The following CFAP20DC variants were observed in gnomAD, a reference collection of about 807,000 sequenced individuals.
CFAP20DC encodes the protein protein CFAP20DC.
In CFAP20DC, 84 loss-of-function variants were observed where a neutral mutation model predicts 101.7. The ratio of observed to expected loss-of-function variants is 0.83; its 90% CI spans 0.69 to 0.99. CFAP20DC has a LOEUF of 0.99. CFAP20DC is among the 50% of genes least tolerant of loss of function. CFAP20DC has a pLI of 0.00. For synonymous variants in CFAP20DC, 359 were observed against 351.2 expected (o/e 1.02, Z -0.25); for missense variants, 1,007 against 970.3 (o/e 1.04, Z -0.50).
At chr3:58,953,740 G>T (rs569949619) in intron 4 of CFAP20DC, 102 of 152,162 alleles carry the variant, frequency 6.7e-4, no homozygotes, top group Non-Finnish European at 1.3e-3. Flanking sequence ...GGGCAATTTA[G>T]TTGCTGCAAG....
chr3:58,853,315 C>T (rs2078431322), intron 12 of CFAP20DC, among the ~76,000 whole-genome samples: 2 of 152,264 alleles, frequency 1.3e-5, no homozygotes, highest in South Asian at 2.1e-4. Flanking sequence ...AGACCAATAA[C>T]AGGCTCTGAA....
At chr3:58,973,714 C>T (rs1403989935) in intron 4 of CFAP20DC, among the ~76,000 whole-genome samples, 1 of 152,112 alleles carries the variant, frequency 6.6e-6, no homozygotes, top group Non-Finnish European at 1.5e-5. Flanking sequence ...TGAAACAATT[C>T]CTTACACAGG....
intron 4 of CFAP20DC, among the ~76,000 whole-genome samples, chr3:58,997,848 C>T (rs1442852843): frequency 6.6e-6 from 1 of 152,122 alleles, no homozygotes; most frequent in East Asian, 1.9e-4. Context: ...TAGCAATGTA[C>T]AGACTGTAGG....
At chr3:58,826,487 G>T (rs2076050956) in intron 14 of CFAP20DC, among the ~76,000 whole-genome samples, 1 of 152,022 alleles carries the variant, frequency 6.6e-6, no homozygotes, top group South Asian at 2.1e-4. Context: ...ACTGCTGTGT[G>T]ATGTTTCCCT....
chr3:58,840,673 G>A (rs9864440), intron 13 of CFAP20DC, among the ~76,000 whole-genome samples: 27,791 of 152,104 alleles, frequency 0.18, 4,466 homozygotes, highest in African/African-American at 0.42. Context: ...ATGAATTTGA[G>A]AAGGTTTCAT....
chr3:58,772,996 C>G (rs1309767510), intron 15 of CFAP20DC, among the ~76,000 whole-genome samples: 2 of 151,354 alleles, frequency 1.3e-5, no homozygotes, highest in African/African-American at 2.4e-5. Flanking sequence ...CTTTTCTATG[C>G]TGGTTGAATT....
rs867543214 is a variant in CFAP20DC at position 59,035,743 on chromosome 3, T to A, written c.278+3814A>T. On this transcript the variant is annotated intron_variant, in intron 4 of 16. Transcript: ENST00000482387. ...AAAGAAAGCCCAGAACCAGACAGAT[T>A]CACAGCCAAATTCTACCAGAGGTAC... Among the ~76,000 whole-genome samples, 8 of 152,042 alleles carry A rather than the reference T, an allele frequency of 5.3e-5. No homozygotes were observed. The South Asian group carries it at 1.0e-3, about 20-fold the overall frequency.
intron 15 of CFAP20DC, among the ~76,000 whole-genome samples, chr3:58,780,347 C>T (rs2071710257): frequency 6.6e-6 from 1 of 151,882 alleles, no homozygotes; most frequent in African/African-American, 2.4e-5. Flanking sequence ...CACCAAGCCA[C>T]AATGGTAAAT....
intron 3 of CFAP20DC, among the ~76,000 whole-genome samples, chr3:59,043,703 C>A (rs935507905): frequency 1.3e-5 from 2 of 151,996 alleles, no homozygotes; most frequent in Admixed American, 1.3e-4. Flanking sequence ...AGAAGACCCT[C>A]CAAATGACAT....
chr3:58,749,095 A>G (rs2068395432), intron 16 of CFAP20DC, among the ~76,000 whole-genome samples: 1 of 152,202 alleles, frequency 6.6e-6, no homozygotes, highest in South Asian at 2.1e-4. Context: ...TCTGAAATAA[A>G]TCTTCGAGGT....
intron 14 of CFAP20DC, among the ~76,000 whole-genome samples, chr3:58,813,372 G>A (rs1369922538): frequency 6.6e-6 from 1 of 151,848 alleles, no homozygotes; most frequent in East Asian, 1.9e-4. Context: ...TATGTGGTTA[G>A]CAACAATGCG....
rs868798884 is a variant in CFAP20DC at position 58,799,848 on chromosome 3, G to A, written c.2237+6547C>T. The stretch of plus-strand genomic sequence containing the variant: ...AAAAGATAATGTGCTAAAGGTGACT[G>A]AGGGCTATTTTAGGGTGGACACTAA... On this transcript the variant is annotated intron_variant, in intron 15 of 16. Transcript: ENST00000482387. The surrounding 1 kb of genome is among the most constrained non-coding windows in gnomAD (Gnocchi z 4.9). Among the ~76,000 whole-genome samples the A allele has an allele frequency of 6.8e-4, 104 of 152,220 alleles. No individual in the cohort carries two copies. The Middle Eastern group carries it at 0.01, about 15-fold the overall frequency.
chr3:58,886,060 G>T (rs538366033), intron 6 of CFAP20DC, among the ~76,000 whole-genome samples: 2 of 151,970 alleles, frequency 1.3e-5, no homozygotes, highest in African/African-American at 4.8e-5. Context: ...GTCATTTGTA[G>T]CAAGTGGGAA....
At chr3:58,895,117 C>G (rs1216739392) in intron 6 of CFAP20DC, among the ~76,000 whole-genome samples, 1 of 152,214 alleles carries the variant, frequency 6.6e-6, no homozygotes, top group Non-Finnish European at 1.5e-5. Flanking sequence ...CCAAGAAGAT[C>G]TCTGATATGC....
At chr3:58,890,830 C>G (rs367779498) in intron 6 of CFAP20DC, among the ~76,000 whole-genome samples, 10 of 142,650 alleles carry the variant, frequency 7.0e-5, no homozygotes, top group South Asian at 2.3e-4. Context: ...GACGATGGGC[C>G]GCCGGGCAGA....
chr3:58,981,180 C>T (rs2092525102), intron 4 of CFAP20DC, among the ~76,000 whole-genome samples: 1 of 152,152 alleles, frequency 6.6e-6, no homozygotes, highest in African/African-American at 2.4e-5. Context: ...AGGAGAACTA[C>T]AAACCACTGC....
At chr3:58,760,722 T>C (rs1575572990) in intron 15 of CFAP20DC, among the ~76,000 whole-genome samples, 2 of 152,312 alleles carry the variant, frequency 1.3e-5, no homozygotes, top group East Asian at 3.9e-4. Context: ...AATACCTAAT[T>C]TATTGAGAGT....
intron 14 of CFAP20DC, among the ~76,000 whole-genome samples, chr3:58,818,615 A>C (rs1425838162): frequency 1.4e-5 from 2 of 146,002 alleles, no homozygotes; most frequent in Non-Finnish European, 3.0e-5. Flanking sequence ...TATGCACCCA[A>C]TACAGGAGCA....
intron 5 of CFAP20DC, among the ~76,000 whole-genome samples, chr3:58,936,791 G>T (rs1327017255): frequency 6.6e-6 from 1 of 152,124 alleles, no homozygotes; most frequent in East Asian, 1.9e-4. Context: ...AGGGGACGGG[G>T]AGGGATAGCT....
Sources: gnomAD v4.1 joint callset for allele counts (sites outside exome capture counted in the v4.1 genomes callset) on GRCh38, gnomAD v4.1.1 for gene constraint, Gnocchi (gnomAD v3.1) non-coding constraint, MANE v1.5 for transcripts, NCBI Gene and HGNC (gene_info 2026-07-23, HGNC 2026-07-21) for gene names.